Variants in GBP7 observed in about 807,000 individuals in gnomAD.
GBP7 encodes the protein guanylate binding protein 7.
In GBP7, 43 loss-of-function variants were observed where a neutral mutation model predicts 61.3. That is an observed-to-expected ratio of 0.70 (90% CI 0.55 to 0.91). The LOEUF is 0.91. Among genes scored for constraint, GBP7 ranks in the 40% least tolerant of loss-of-function variants. The probability of loss-of-function intolerance (pLI) is 0.00; values close to 1 mark genes in which losing one functional copy is unlikely to be tolerated. For missense variants in GBP7, 717 were observed against 740.5 expected (o/e 0.97, Z 0.37); for synonymous variants, 267 against 271.0 (o/e 0.99, Z 0.14).
intron 2 of GBP7, among the ~76,000 whole-genome samples, chr1:89,167,800 G>T (rs1647484186): frequency 6.6e-6 from 1 of 152,116 alleles, no homozygotes; most frequent in Non-Finnish European, 1.5e-5. Flanking sequence ...AAATACCCTG[G>T]ACCAGGTACA....
chr1:89,132,077 TA>T lies in GBP7; in HGVS notation c.*71del. On this transcript the variant is annotated 3_prime_UTR_variant, in exon 11 of 11. Coordinates refer to ENST00000294671, the MANE Select transcript of GBP7 (RefSeq NM_207398.3). The stretch of plus-strand genomic sequence containing the variant: ...TTGCTTTTTAATTTTAAACTTTTCT[TA>T]AATGAAACTGCAATAACACATATAC... 1 of 1,276,342 alleles carries T rather than the reference TA, an allele frequency of 7.8e-7. No homozygotes were observed. Among genetic ancestry groups the T allele is most frequent in the Non-Finnish European group, 1.1e-6 (1 of 940,502 alleles). The allele number at this position is 1,276,342 out of a possible 1,614,324, so 79.1% of individuals were successfully genotyped here. A position where few individuals can be genotyped will look rare whatever the true frequency, so the allele number is the denominator to read the frequency against.
At chr1:89,155,938 T>C (rs1682307155) in intron 3 of GBP7, among the ~76,000 whole-genome samples, 4 of 151,828 alleles carry the variant, frequency 2.6e-5, no homozygotes, top group Admixed American at 2.6e-4. Context: ...AAGGAAAAAA[T>C]GTTAAGGGCA....
intron 8 of GBP7, among the ~76,000 whole-genome samples, chr1:89,147,159 A>G (rs1047434357): frequency 1.3e-5 from 2 of 152,194 alleles, no homozygotes; most frequent in African/African-American, 4.8e-5. Flanking sequence ...CATCACCATC[A>G]TTATCACCCC....
intron 3 of GBP7, among the ~76,000 whole-genome samples, chr1:89,159,353 A>T (rs1432369986): frequency 3.3e-5 from 5 of 152,118 alleles, no homozygotes; most frequent in Non-Finnish European, 7.4e-5. Flanking sequence ...AAGCCAAAAT[A>T]GACAAATGGG....
At position 89,133,343 on chromosome 1, in the gene GBP7, T is replaced by C. The variant is rs1471128780; in HGVS notation, c.1577A>G (p.Asn526Ser). 1.2e-6 allele frequency: 2 copies of C among 1,614,104 alleles called. No individual in the cohort carries two copies. Among genetic ancestry groups the C allele is most frequent in the Admixed American group, 1.7e-5 (1 of 60,018 alleles). ...CATCTTCTTCTTGAGTTGAGCTATG[T>C]TTTCCTGGAAACTTCTCTCTTGAGC... is the stretch of plus-strand genomic sequence containing the variant. Reference protein sequence around the residue: ...MEAQERSFQENIAQLKKKMER... With the variant: ...MEAQERSFQESIAQLKKKMER... The change falls in exon 10 of 11, where the codon AAC (asparagine) becomes AGC (serine). Residue 526 changes from asparagine to serine, a missense_variant. By Grantham distance (46) the Asn-to-Ser change is conservative (BLOSUM62 1). Around this residue, in one of 3 missense-constraint regions of GBP7, gnomAD observed 312 missense variants for 310.1 expected, o/e 1.01. Transcript: ENST00000294671.
intron 8 of GBP7, among the ~76,000 whole-genome samples, chr1:89,142,229 G>A (rs116323431): frequency 0.026 from 3,998 of 152,028 alleles, 71 homozygotes; most frequent in Middle Eastern, 0.051. Context: ...AGGAGTAGTG[G>A]TGAATATAAT....
rs1356836916 is a variant in GBP7 at position 89,152,697 on chromosome 1, G to A, written c.399C>T (p.Thr133=). Residue 133 remains threonine, a synonymous_variant, in exon 4 of 11, where the codon ACC becomes ACT. Transcript: ENST00000294671. The stretch of plus-strand genomic sequence containing the variant: ...GCTGCTCCAGGGCCTGGTGGTTGAT[G>A]GTGCCCATGCTGTTGTAGACAAAGC... ...SSSFVYNSMG[T]INHQALEQLH... 6.2e-7 allele frequency: 1 copy of A among 1,613,080 alleles called. No individual in the cohort carries two copies.
intron 1 of GBP7, among the ~76,000 whole-genome samples, chr1:89,172,701 CT>C (rs769778598): frequency 6.6e-6 from 1 of 151,742 alleles, no homozygotes; most frequent in Non-Finnish European, 1.5e-5. Flanking sequence ...CACTTTGTCA[CT>C]AAAAAGTTTC....
chr1:89,169,699 T>C (rs957472834), intron 2 of GBP7, among the ~76,000 whole-genome samples: 6 of 152,040 alleles, frequency 3.9e-5, no homozygotes, highest in African/African-American at 1.4e-4. Context: ...AAGAGATGAG[T>C]CTCATGTCTC....
intron 2 of GBP7, among the ~76,000 whole-genome samples, chr1:89,169,766 T>A (rs138141033): frequency 3.6e-4 from 55 of 152,290 alleles, no homozygotes; most frequent in African/African-American, 1.3e-3. Context: ...CCAAAGACAT[T>A]TAGTGTGTAA....
chr1:89,142,181 C>A (rs377638841), intron 8 of GBP7, among the ~76,000 whole-genome samples: 1 of 149,328 alleles, frequency 6.7e-6, no homozygotes, highest in South Asian at 2.1e-4. Context: ...AAAGTTAAAA[C>A]CTTAAAAAGA....
intron 9 of GBP7, among the ~76,000 whole-genome samples, chr1:89,141,095 C>G (rs1018116355): frequency 3.3e-5 from 5 of 151,824 alleles, no homozygotes; most frequent in Admixed American, 3.3e-4. Flanking sequence ...CTATTGGGTA[C>G]TATGCTCATT....
At chr1:89,162,691 A>G (rs1289624120) in intron 3 of GBP7, among the ~76,000 whole-genome samples, 1 of 152,278 alleles carries the variant, frequency 6.6e-6, no homozygotes, top group East Asian at 1.9e-4. Context: ...TAGACATATA[A>G]TCATGTCATT....
chr1:89,150,393 A>G lies in GBP7; in HGVS notation c.808T>C (p.Ser270Pro). ...NFQMQSENFCSYIFTHAKTKT... is the reference protein window; with the variant it reads ...NFQMQSENFCPYIFTHAKTKT... ...GTCTTTGCATGGGTGAAGATATAAG[A>G]ACAGAAATTTTCTGATTGCATCTGG... Residue 270 changes from serine (S) to proline (P), a missense_variant, in exon 6 of 11, where the codon TCT becomes CCT. Physicochemically the swap from Ser to Pro is moderately conservative, Grantham distance 74. Coordinates refer to ENST00000294671, the MANE Select transcript of GBP7 (RefSeq NM_207398.3). 1 of 1,613,966 alleles carries G rather than the reference A, an allele frequency of 6.2e-7. No individual in the cohort carries two copies. The highest frequency in any genetic ancestry group is 8.5e-7 in the Non-Finnish European group (1 of 1,179,838).
chr1:89,137,060 A>G (rs546918470), intron 9 of GBP7, among the ~76,000 whole-genome samples: 140 of 152,222 alleles, frequency 9.2e-4, no homozygotes, highest in African/African-American at 3.1e-3. Flanking sequence ...CCTAGAAGAA[A>G]TGGATAAATT....
Position 89,164,767 on chromosome 1 carries a change from G to T in GBP7, c.282C>A (p.Ile94=), listed in dbSNP as rs1269745022. 1 of 1,613,950 alleles carries T rather than the reference G, an allele frequency of 6.2e-7. No individual in the cohort carries two copies. Among genetic ancestry groups the T allele is most frequent in the Non-Finnish European group, 8.5e-7 (1 of 1,179,868 alleles). The change falls in exon 3 of 11, where the codon ATC becomes ATA. Residue 94 remains isoleucine, a synonymous_variant. Transcript: ENST00000294671. ...CACCCAGGCCCTCCGTGTCCAGAAG[G>T]ATCAGGGTGTGGTTTGGCTTGGAGG... ...PHPSKPNHTL[I]LLDTEGLGDM...
intron 2 of GBP7, among the ~76,000 whole-genome samples, chr1:89,169,397 T>C (rs560119945): frequency 2.0e-5 from 3 of 152,362 alleles, no homozygotes; most frequent in East Asian, 3.9e-4. Context: ...CAGGCTTTGT[T>C]TGATGAGGTT....
At chr1:89,150,698 T>A in intron 5 of GBP7, 123 bp from the exon 6 acceptor site, 1 of 977,954 alleles carries the variant, frequency 1.0e-6, no homozygotes, top group Non-Finnish European at 1.5e-6. Context: ...CTACTCTATG[T>A]AATCAAACCT....
intron 9 of GBP7, among the ~76,000 whole-genome samples, chr1:89,134,738 C>T (rs908028093): frequency 6.6e-6 from 1 of 152,144 alleles, no homozygotes. Context: ...TATCAGCCCA[C>T]ACAGATGAGA....
Sources: gnomAD v4.1 joint callset for allele counts (sites outside exome capture counted in the v4.1 genomes callset) on GRCh38, gnomAD v4.1.1 for gene constraint, gnomAD v4.1.1 regional missense constraint, MANE v1.5 for transcripts, NCBI Gene and HGNC (gene_info 2026-07-23, HGNC 2026-07-21) for gene names.